TNFRSF21: variants seen among roughly 807,000 people sequenced by gnomAD.
TNFRSF21 encodes tumor necrosis factor receptor superfamily member 21.
A neutral mutation model predicts 45.6 loss-of-function variants in TNFRSF21; 19 were observed. That is an observed-to-expected ratio of 0.42 (90% CI 0.29 to 0.61). The LOEUF is 0.61. Among genes scored for constraint, TNFRSF21 ranks in the 20% least tolerant of loss-of-function variants. TNFRSF21 has a pLI of 0.23. For synonymous variants in TNFRSF21, 314 were observed against 335.5 expected (o/e 0.94, Z 0.70); for missense variants, 737 against 851.5 (o/e 0.87, Z 1.67).
chr6:47,269,057 C>T (rs1332940981), intron 3 of TNFRSF21, among the ~76,000 whole-genome samples: 1 of 152,162 alleles, frequency 6.6e-6, no homozygotes, highest in Non-Finnish European at 1.5e-5. Context: ...AATTAGAGAG[C>T]CAGGCCTTGG....
chr6:47,305,410 C>G (rs866926264), intron 1 of TNFRSF21, among the ~76,000 whole-genome samples: 4 of 152,100 alleles, frequency 2.6e-5, no homozygotes, highest in African/African-American at 7.2e-5. Context: ...TGCTCCCTTC[C>G]AGCTTTCACA....
rs534296889 is a variant in TNFRSF21, at chr6:47,282,203, T to C, written c.1243+1735A>G. Among the ~76,000 whole-genome samples, 4 of 152,040 alleles carry C rather than the reference T, an allele frequency of 2.6e-5. No individual in the cohort carries two copies. In the East Asian group the frequency reaches 5.8e-4, roughly 22 times the overall value. ...GAGTTCAAGACCAGCCTGACCAACA[T>C]GGAGAAACCCCATCTCTAGTAAAAA... On this transcript the variant is annotated intron_variant, in intron 3 of 5. Coordinates refer to ENST00000296861, the MANE Select transcript of TNFRSF21 (RefSeq NM_014452.5).
chr6:47,257,013 T>C (rs1426225094), intron 3 of TNFRSF21, among the ~76,000 whole-genome samples: 1 of 152,172 alleles, frequency 6.6e-6, no homozygotes, highest in Non-Finnish European at 1.5e-5. Context: ...CTGATTAACA[T>C]TTTCTATAGA....
intron 3 of TNFRSF21, among the ~76,000 whole-genome samples, chr6:47,283,230 T>C (rs9473053): frequency 0.052 from 7,969 of 152,196 alleles, 682 homozygotes; most frequent in African/African-American, 0.18. Flanking sequence ...CTATAAGCTA[T>C]TTTTTGCCCT....
rs903444012 is a variant in TNFRSF21 at position 47,292,315 on chromosome 6, A to G, written c.97-5720T>C. 4.6e-5 allele frequency among the ~76,000 whole-genome samples: 7 copies of G among 152,214 alleles called. No individual in the cohort carries two copies. In the East Asian group the frequency reaches 1.4e-3, roughly 29 times the overall value. ...TCACTTGTACAGAGTTGGATAAACT[A>G]GATCGGAGGCTCACCAAAGCCTCGG... On this transcript the variant is annotated intron_variant, in intron 1 of 5. Coordinates refer to ENST00000296861, the MANE Select transcript of TNFRSF21 (RefSeq NM_014452.5).
chr6:47,286,752 G>A (rs943639085), intron 1 of TNFRSF21, among the ~76,000 whole-genome samples, 157 bp from the exon 2 acceptor site: 2 of 152,212 alleles, frequency 1.3e-5, no homozygotes, highest in African/African-American at 2.4e-5. Context: ...CTGCAACACA[G>A]TAGAACGAGA....
At chr6:47,305,970 G>T (rs1031110642) in intron 1 of TNFRSF21, among the ~76,000 whole-genome samples, 1 of 152,184 alleles carries the variant, frequency 6.6e-6, no homozygotes, top group African/African-American at 2.4e-5. Context: ...CATGGATCTT[G>T]TCTCTGCCTT....
intron 1 of TNFRSF21, among the ~76,000 whole-genome samples, chr6:47,299,977 T>C (rs979135905): frequency 1.3e-5 from 2 of 152,164 alleles, no homozygotes; most frequent in Non-Finnish European, 2.9e-5. Context: ...GAACACACCT[T>C]GGGGAAACAA....
At chr6:47,240,471 T>C (rs1474773541) in intron 4 of TNFRSF21, among the ~76,000 whole-genome samples, 1 of 152,362 alleles carries the variant, frequency 6.6e-6, no homozygotes, top group East Asian at 1.9e-4. Context: ...AGCCCCATTT[T>C]ACAGATGAGG....
At chr6:47,237,965 G>A (rs1002505604) in intron 4 of TNFRSF21, among the ~76,000 whole-genome samples, 8 of 152,060 alleles carry the variant, frequency 5.3e-5, no homozygotes, top group Non-Finnish European at 1.2e-4. Context: ...CAGGAGAATC[G>A]CTTGAACCAG....
chr6:47,298,477 A>G (rs978508678), intron 1 of TNFRSF21, among the ~76,000 whole-genome samples: 9 of 152,114 alleles, frequency 5.9e-5, no homozygotes, highest in African/African-American at 2.2e-4. Flanking sequence ...AAAAATTTAA[A>G]AAGAGTGAGT....
chr6:47,285,022 T>G (rs994627852), intron 2 of TNFRSF21, among the ~76,000 whole-genome samples: 21 of 152,332 alleles, frequency 1.4e-4, no homozygotes, highest in African/African-American at 4.8e-4. Flanking sequence ...TAAGTAATTT[T>G]CATTAAGAAG....
At chr6:47,258,398 GTT>G (rs1162552203) in intron 3 of TNFRSF21, among the ~76,000 whole-genome samples, 6 of 131,022 alleles carry the variant, frequency 4.6e-5, no homozygotes, top group Non-Finnish European at 5.0e-5. Context: ...AGTAATTGTG[GTT>G]TTTTTTTTTT....
chr6:47,236,054 G>C lies in TNFRSF21; in HGVS notation c.1510-1156C>G, dbSNP rs543451210. On this transcript the variant is annotated intron_variant, in intron 4 of 5. Transcript: ENST00000296861. ...TACTGGGGGTGTGCAGTGGAGAGAA[G>C]GGGAAGTGATAGGTGATGTGACTTC... 2.9e-3 allele frequency among the ~76,000 whole-genome samples: 436 copies of C among 152,308 alleles called. 3 individuals are homozygous for C. Among genetic ancestry groups the C allele is most frequent in the African/African-American group, 9.3e-3 (388 of 41,570 alleles).
intron 3 of TNFRSF21, among the ~76,000 whole-genome samples, chr6:47,256,816 A>T (rs1764995897): frequency 6.6e-6 from 1 of 152,220 alleles, no homozygotes; most frequent in Admixed American, 6.5e-5. Flanking sequence ...CCTGAATCTT[A>T]ATTTAGATCA....
At chr6:47,298,347 A>T (rs903306014) in intron 1 of TNFRSF21, among the ~76,000 whole-genome samples, 1 of 149,906 alleles carries the variant, frequency 6.7e-6, no homozygotes. Context: ...CAGGAGGCTG[A>T]GTGAGGTAGG....
Position 47,286,601 on chromosome 6 carries a change from A to C in TNFRSF21, c.97-6T>G, listed in dbSNP as rs1388077167. 6.3e-7 allele frequency: 1 copy of C among 1,591,496 alleles called. No homozygotes were observed. The highest frequency in any genetic ancestry group is 8.6e-7 in the Non-Finnish European group (1 of 1,164,508). The stretch of plus-strand genomic sequence containing the variant: ...GTGGTGCTAAGGAATCCAAGCTGAA[A>C]GAAACAGAAGGGGAGGGAAAGGAAC... On this transcript the variant is annotated splice_polypyrimidine_tract_variant and splice_region_variant and intron_variant, in intron 1 of 5. Coordinates refer to ENST00000296861, the MANE Select transcript of TNFRSF21 (RefSeq NM_014452.5).
intron 1 of TNFRSF21, among the ~76,000 whole-genome samples, chr6:47,295,300 G>T (rs146900755): frequency 1.8e-4 from 28 of 152,168 alleles, no homozygotes; most frequent in Non-Finnish European, 2.9e-4. Context: ...CTTACTCCAT[G>T]ACCTCATCCT....
At chr6:47,270,595 A>C (rs1445801280) in intron 3 of TNFRSF21, among the ~76,000 whole-genome samples, 1 of 152,238 alleles carries the variant, frequency 6.6e-6, no homozygotes, top group Non-Finnish European at 1.5e-5. Context: ...TAAAAATCAG[A>C]GCGCATCTTC....
Sources: gnomAD v4.1 joint callset for allele counts (sites outside exome capture counted in the v4.1 genomes callset) on GRCh38, gnomAD v4.1.1 for gene constraint, MANE v1.5 for transcripts, NCBI Gene and HGNC (gene_info 2026-07-23, HGNC 2026-07-21) for gene names.